Variants in PPP2R2B observed in about 807,000 individuals in gnomAD.
The protein encoded by PPP2R2B is protein phosphatase 2 regulatory subunit Bbeta.
PPP2R2B carries 5 observed loss-of-function variants against 46.0 expected under a neutral mutation model. That is an observed-to-expected ratio of 0.11 (90% CI 0.06 to 0.23). The LOEUF is 0.23. Ranked by LOEUF, PPP2R2B falls within the 10% of genes least tolerant of loss-of-function variation. The probability of loss-of-function intolerance (pLI) is 1.00; values close to 1 mark genes in which losing one functional copy is unlikely to be tolerated. For missense variants in PPP2R2B, 367 were observed against 575.0 expected (o/e 0.64, Z 3.70); for synonymous variants, 215 against 206.7 (o/e 1.04, Z -0.34).
chr5:146,833,335 AG>A (rs900125754), intron 2 of PPP2R2B, among the ~76,000 whole-genome samples: 1 of 152,138 alleles, frequency 6.6e-6, no homozygotes, highest in Non-Finnish European at 1.5e-5. Flanking sequence ...TTCTCATGGA[AG>A]GTTTACTAAT....
intron 2 of PPP2R2B, among the ~76,000 whole-genome samples, chr5:146,839,877 T>C (rs1023739428): frequency 3.3e-5 from 5 of 152,246 alleles, no homozygotes. Flanking sequence ...CATCCTTCTT[T>C]CCAAACATTT....
intron 2 of PPP2R2B, among the ~76,000 whole-genome samples, chr5:146,710,899 G>T (rs1780178671): frequency 1.3e-5 from 2 of 152,174 alleles, no homozygotes; most frequent in Admixed American, 1.3e-4. Context: ...ATTTTGCTTT[G>T]CCAGATGTTC....
chr5:146,740,120 A>C (rs1385235365), intron 2 of PPP2R2B, among the ~76,000 whole-genome samples: 5 of 152,230 alleles, frequency 3.3e-5, no homozygotes, highest in African/African-American at 1.2e-4. Context: ...AGCCCTCTCT[A>C]GCTAGAAAAG....
intron 2 of PPP2R2B, among the ~76,000 whole-genome samples, chr5:146,745,750 G>A (rs1753151981): frequency 6.6e-6 from 1 of 152,118 alleles, no homozygotes; most frequent in African/African-American, 2.4e-5. Flanking sequence ...ACAAGGTCAG[G>A]AGATCAAGAG....
At chr5:146,789,217 T>C (rs1756037181) in intron 2 of PPP2R2B, among the ~76,000 whole-genome samples, 2 of 151,998 alleles carry the variant, frequency 1.3e-5, no homozygotes, top group South Asian at 4.2e-4. Flanking sequence ...AGTGAATATG[T>C]GGGTGGAAAG....
chr5:146,627,280 C>T (rs1774129577), intron 7 of PPP2R2B, among the ~76,000 whole-genome samples: 1 of 152,212 alleles, frequency 6.6e-6, no homozygotes. Flanking sequence ...CAATACTGAA[C>T]CCCTTTTGGA....
chr5:146,831,109 ATGAC>A (rs576690040), intron 2 of PPP2R2B, among the ~76,000 whole-genome samples: 4 of 152,262 alleles, frequency 2.6e-5, no homozygotes. Context: ...ATGATAATAA[ATGAC>A]TATGTTACTC....
At chr5:146,937,321 G>C (rs1354576880) in intron 1 of PPP2R2B, among the ~76,000 whole-genome samples, 1 of 151,760 alleles carries the variant, frequency 6.6e-6, no homozygotes, top group East Asian at 1.9e-4. Flanking sequence ...AAAAAGGGGG[G>C]TTACTAGTAA....
intron 1 of PPP2R2B, among the ~76,000 whole-genome samples, chr5:146,911,357 C>T (rs1171922739): frequency 6.6e-6 from 1 of 152,194 alleles, no homozygotes; most frequent in Non-Finnish European, 1.5e-5. Flanking sequence ...GCTAGGATTA[C>T]AGGGGTAAGC....
At chr5:146,658,967 A>G (rs1776518686) in intron 5 of PPP2R2B, among the ~76,000 whole-genome samples, 1 of 152,232 alleles carries the variant, frequency 6.6e-6, no homozygotes, top group Non-Finnish European at 1.5e-5. Flanking sequence ...CCCAGAAGAT[A>G]ATTTTAAAGT....
At chr5:146,917,046 G>T (rs1425924423) in intron 1 of PPP2R2B, among the ~76,000 whole-genome samples, 1 of 152,104 alleles carries the variant, frequency 6.6e-6, no homozygotes, top group African/African-American at 2.4e-5. Flanking sequence ...TTAAGTGAAG[G>T]TTATAGCAAT....
intron 1 of PPP2R2B, among the ~76,000 whole-genome samples, chr5:146,914,632 ATGT>A (rs1242466397): frequency 6.6e-6 from 1 of 152,224 alleles, no homozygotes; most frequent in Admixed American, 6.5e-5. Flanking sequence ...CTGCAAAAAA[ATGT>A]TGTTGGCCAG....
upstream of PPP2R2B, among the ~76,000 whole-genome samples, chr5:147,057,695 C>T (rs1757133479): frequency 2.0e-5 from 3 of 152,194 alleles, no homozygotes; most frequent in South Asian, 6.2e-4. Flanking sequence ...TGTTAGCCTT[C>T]TCTGAGCTTC....
At chr5:146,908,549 G>C (rs1349377556) in intron 1 of PPP2R2B, among the ~76,000 whole-genome samples, 1 of 149,924 alleles carries the variant, frequency 6.7e-6, no homozygotes, top group African/African-American at 2.5e-5. Context: ...TTGGCATAGG[G>C]GTGTGTTAAA....
At chr5:146,979,767 CA>C (rs1436893704) in intron 1 of PPP2R2B, among the ~76,000 whole-genome samples, 1 of 152,114 alleles carries the variant, frequency 6.6e-6, no homozygotes, top group Non-Finnish European at 1.5e-5. Context: ...CAGAGATTAA[CA>C]ACAATAACTC....
chr5:146,866,914 G>A (rs992243730), intron 2 of PPP2R2B, among the ~76,000 whole-genome samples: 2 of 152,128 alleles, frequency 1.3e-5, no homozygotes, highest in African/African-American at 2.4e-5. Flanking sequence ...TCCTTTATAA[G>A]TACTCACAGC....
intron 2 of PPP2R2B, among the ~76,000 whole-genome samples, chr5:146,876,418 CT>C (rs111731757): frequency 0.19 from 29,502 of 152,120 alleles, 3,193 homozygotes; most frequent in East Asian, 0.35. Context: ...GAAGGCAGCT[CT>C]CTTTCTTTGT....
chr5:146,701,887 G>A (rs1243628897), intron 2 of PPP2R2B, among the ~76,000 whole-genome samples: 2 of 152,162 alleles, frequency 1.3e-5, no homozygotes, highest in Admixed American at 6.5e-5. Flanking sequence ...AGGAATGCCA[G>A]CCTGCCAAGT....
chr5:147,060,277 T>C (rs966746562), upstream of PPP2R2B, among the ~76,000 whole-genome samples: 5 of 152,172 alleles, frequency 3.3e-5, no homozygotes, highest in Non-Finnish European at 2.9e-5. Context: ...GAATACTTAC[T>C]TAGGCCAGGC....
Sources: allele counts gnomAD v4.1 joint callset (sites outside exome capture counted in the v4.1 genomes callset), GRCh38; gene constraint gnomAD v4.1.1; transcripts MANE v1.5; gene names NCBI Gene and HGNC (gene_info 2026-07-23, HGNC 2026-07-21).